PPFIA2: variants seen among roughly 807,000 people sequenced by gnomAD.
PPFIA2 encodes PPFI scaffold protein A2, also known as liprin-alpha-2.
A neutral mutation model predicts 175.5 loss-of-function variants in PPFIA2; 46 were observed. That is an observed-to-expected ratio of 0.26 (90% CI 0.21 to 0.34). The LOEUF (loss-of-function observed/expected upper bound fraction) is 0.34. Among genes scored for constraint, PPFIA2 ranks in the 10% least tolerant of loss-of-function variants. The pLI, the probability that PPFIA2 is intolerant of heterozygous loss-of-function variation, is 1.00. For synonymous variants in PPFIA2, 568 were observed against 511.4 expected (o/e 1.11, Z -1.49); for missense variants, 1,179 against 1,506.1 (o/e 0.78, Z 3.60).
At chr12:81,643,552 A>G (rs753107337) in intron 4 of PPFIA2, among the ~76,000 whole-genome samples, 2 of 151,968 alleles carry the variant, frequency 1.3e-5, no homozygotes, top group Non-Finnish European at 2.9e-5. Context: ...TAACCAATCA[A>G]TCCTGGTGGG....
chr12:81,593,231 A>T (rs2058876970), intron 4 of PPFIA2, among the ~76,000 whole-genome samples: 1 of 152,212 alleles, frequency 6.6e-6, no homozygotes, highest in Non-Finnish European at 1.5e-5. Context: ...GTAAAGAGGT[A>T]TTAAAAATCC....
chr12:81,381,411 T>A (rs934261837), intron 9 of PPFIA2, among the ~76,000 whole-genome samples: 1 of 152,146 alleles, frequency 6.6e-6, no homozygotes, highest in African/African-American at 2.4e-5. Context: ...TATTTTTAAA[T>A]AGGCAGTTAG....
At chr12:81,595,381 CTTAATT>C (rs72041567) in intron 4 of PPFIA2, among the ~76,000 whole-genome samples, 8,373 of 151,886 alleles carry the variant, frequency 0.055, 330 homozygotes, top group East Asian at 0.21. Flanking sequence ...TCTAGTAGCT[CTTAATT>C]TTAACTTTTG....
chr12:81,273,610 C>T (rs1463098777), intron 28 of PPFIA2, among the ~76,000 whole-genome samples: 2 of 152,032 alleles, frequency 1.3e-5, no homozygotes, highest in African/African-American at 4.8e-5. Context: ...TGTGCCAATC[C>T]ACAGTACTAG....
At chr12:81,301,867 A>G (rs1394148591) in intron 22 of PPFIA2, among the ~76,000 whole-genome samples, 1 of 152,128 alleles carries the variant, frequency 6.6e-6, no homozygotes, top group South Asian at 2.1e-4. Flanking sequence ...GAAAACTCCA[A>G]TAAGGAATTT....
intron 4 of PPFIA2, among the ~76,000 whole-genome samples, chr12:81,570,476 A>G (rs2072300006): frequency 6.6e-6 from 1 of 152,098 alleles, no homozygotes; most frequent in Non-Finnish European, 1.5e-5. Context: ...GTGAGCAGTA[A>G]GGGCTGCTGC....
intron 4 of PPFIA2, among the ~76,000 whole-genome samples, chr12:81,556,562 A>G (rs1484194490): frequency 6.6e-6 from 1 of 151,978 alleles, no homozygotes; most frequent in African/African-American, 2.4e-5. Flanking sequence ...AGGTGAGATT[A>G]GGTAAGTTGA....
chr12:81,554,371 G>T (rs970653070), intron 4 of PPFIA2, among the ~76,000 whole-genome samples: 7 of 152,136 alleles, frequency 4.6e-5, no homozygotes, highest in African/African-American at 1.2e-4. Context: ...ACTGGGATGT[G>T]TCTGGGTCTC....
intron 11 of PPFIA2, among the ~76,000 whole-genome samples, chr12:81,371,773 G>T (rs909215850): frequency 6.6e-6 from 1 of 151,714 alleles, no homozygotes; most frequent in Non-Finnish European, 1.5e-5. Context: ...AAGACTGGGA[G>T]CCCAAAGTAA....
At chr12:81,663,718 C>A (rs1186717344) in intron 4 of PPFIA2, among the ~76,000 whole-genome samples, 1 of 152,140 alleles carries the variant, frequency 6.6e-6, no homozygotes, top group African/African-American at 2.4e-5. Context: ...CAAAAAAGAG[C>A]CCACATTGCC....
At chr12:81,533,960 A>G (rs1336104269) in intron 4 of PPFIA2, among the ~76,000 whole-genome samples, 1 of 151,660 alleles carries the variant, frequency 6.6e-6, no homozygotes, top group Non-Finnish European at 1.5e-5. Flanking sequence ...TATGTGACAT[A>G]TATACACAAT....
intron 22 of PPFIA2, among the ~76,000 whole-genome samples, chr12:81,324,682 AT>A (rs1339592169): frequency 2.0e-5 from 3 of 152,012 alleles, no homozygotes; most frequent in Non-Finnish European, 4.4e-5. Flanking sequence ...ATTTAAATAT[AT>A]TTTTGAGTGA....
intron 4 of PPFIA2, among the ~76,000 whole-genome samples, chr12:81,585,715 A>G (rs189787033): frequency 5.4e-4 from 82 of 151,830 alleles, no homozygotes; most frequent in Non-Finnish European, 1.1e-3. Flanking sequence ...CCTGCCTGAG[A>G]CTATTTCACA....
At chr12:81,646,942 C>A (rs1370999076) in intron 4 of PPFIA2, among the ~76,000 whole-genome samples, 1 of 151,646 alleles carries the variant, frequency 6.6e-6, no homozygotes, top group Non-Finnish European at 1.5e-5. Flanking sequence ...AAAAAAAGTT[C>A]TAGTGTAAAG....
intron 14 of PPFIA2, among the ~76,000 whole-genome samples, chr12:81,366,274 C>T (rs1385975134): frequency 4.6e-5 from 7 of 151,502 alleles, no homozygotes; most frequent in Non-Finnish European, 7.4e-5. Context: ...TTAGCAATTA[C>T]CATTAAAATT....
At chr12:81,325,677 A>T in intron 22 of PPFIA2, 100 bp downstream of exon 22, 1 of 840,856 alleles carries the variant, frequency 1.2e-6, no homozygotes, top group Non-Finnish European at 1.9e-6. Flanking sequence ...TGGCTTCAAT[A>T]TAGTTCTTTT....
At chr12:81,355,446 G>C (rs963607583) in intron 16 of PPFIA2, among the ~76,000 whole-genome samples, 1 of 152,156 alleles carries the variant, frequency 6.6e-6, no homozygotes, top group Admixed American at 6.5e-5. Flanking sequence ...TCAGCTTACA[G>C]TCACTAGCTG....
chr12:81,472,946 T>C (rs1232748922), intron 4 of PPFIA2: 2 of 152,178 alleles, frequency 1.3e-5, no homozygotes, highest in Non-Finnish European at 2.9e-5. Flanking sequence ...AGAAAAAATA[T>C]ATAAAATTAC....
chr12:81,378,487 T>C (rs1328385014), intron 9 of PPFIA2, among the ~76,000 whole-genome samples: 1 of 152,218 alleles, frequency 6.6e-6, no homozygotes, highest in Non-Finnish European at 1.5e-5. Flanking sequence ...TCCTAGATTT[T>C]AGATATCCTA....
Sources: gnomAD v4.1 joint callset for allele counts (sites outside exome capture counted in the v4.1 genomes callset) on GRCh38, gnomAD v4.1.1 for gene constraint, MANE v1.5 for transcripts, NCBI Gene and HGNC (gene_info 2026-07-23, HGNC 2026-07-21) for gene names.